SASH1: variants seen among roughly 807,000 people sequenced by gnomAD.
SASH1 encodes the protein SAM and SH3 domain-containing protein 1.
A neutral mutation model predicts 125.2 loss-of-function variants in SASH1; 44 were observed. The ratio of observed to expected loss-of-function variants is 0.35; its 90% CI spans 0.28 to 0.45. The LOEUF is 0.45. Among genes scored for constraint, SASH1 ranks in the 20% least tolerant of loss-of-function variants. The pLI is 1.00. For missense variants in SASH1, 1,426 were observed against 1,614.5 expected (o/e 0.88, Z 2.00); for synonymous variants, 639 against 649.1 (o/e 0.98, Z 0.24).
At chr6:148,254,974 A>C in the SASH1 span, among the ~76,000 whole-genome samples, 2 of 152,264 alleles carry the variant, frequency 1.3e-5, no homozygotes, top group African/African-American at 4.8e-5. Flanking sequence ...TTAAATGATG[A>C]ATGGATAAAC....
the SASH1 span, among the ~76,000 whole-genome samples, chr6:148,253,812 C>G: frequency 6.6e-6 from 1 of 152,178 alleles, no homozygotes; most frequent in Middle Eastern, 3.4e-3. Flanking sequence ...GCAGAGGATG[C>G]AGGGAACTGA....
chr6:148,302,653 G>A (rs12208015), intron 1 of SASH1, among the ~76,000 whole-genome samples: 1 of 61,804 alleles, frequency 1.6e-5, no homozygotes, highest in Non-Finnish European at 3.3e-5. Context: ...AGATGTGTGT[G>A]TATATATATA....
At chr6:148,465,548 GAAA>G (rs564107121) in intron 4 of SASH1, among the ~76,000 whole-genome samples, 17,231 of 100,658 alleles carry the variant, frequency 0.17, 1,659 homozygotes, top group African/African-American at 0.33. Context: ...GTCTCCAGGA[GAAA>G]AAAAAAAAAA....
chr6:148,217,064 A>T, the SASH1 span, among the ~76,000 whole-genome samples: 1 of 152,132 alleles, frequency 6.6e-6, no homozygotes, highest in African/African-American at 2.4e-5. Flanking sequence ...TAGTAATAGC[A>T]TCCCTCCAAG....
intron 2 of SASH1, among the ~76,000 whole-genome samples, chr6:148,408,800 C>T (rs985275813): frequency 6.6e-5 from 10 of 152,190 alleles, no homozygotes; most frequent in African/African-American, 1.7e-4. Context: ...TACACTTTTA[C>T]GTCTTACGTT....
chr6:148,423,200 G>T (rs1476023964), intron 2 of SASH1, among the ~76,000 whole-genome samples: 1 of 152,214 alleles, frequency 6.6e-6, no homozygotes, highest in Non-Finnish European at 1.5e-5. Context: ...GCCTCCCAAA[G>T]TGTTGGGATT....
intron 2 of SASH1, among the ~76,000 whole-genome samples, chr6:148,416,756 G>A (rs1204308823): frequency 2.0e-5 from 3 of 152,196 alleles, no homozygotes; most frequent in African/African-American, 7.2e-5. Context: ...GGAACACGGG[G>A]AATCATTAAG....
At chr6:148,366,993 A>T in intron 1 of SASH1, among the ~76,000 whole-genome samples, 1 of 111,542 alleles carries the variant, frequency 9.0e-6, no homozygotes, top group Non-Finnish European at 1.9e-5. Flanking sequence ...TTTTTTTAAG[A>T]CTGAGTCTTG....
intron 1 of SASH1, among the ~76,000 whole-genome samples, chr6:148,282,542 C>T (rs1231907466): frequency 6.6e-6 from 1 of 152,072 alleles, no homozygotes; most frequent in Non-Finnish European, 1.5e-5. Flanking sequence ...CCACCACGCC[C>T]AGCTAATTTT....
chr6:148,257,437 A>G, the SASH1 span, among the ~76,000 whole-genome samples: 1 of 152,334 alleles, frequency 6.6e-6, no homozygotes, highest in Non-Finnish European at 1.5e-5. Context: ...AGAGTTCCCG[A>G]GGCCAGACCT....
At chr6:148,366,971 CTT>C (rs10676946) in intron 1 of SASH1, among the ~76,000 whole-genome samples, 5 of 125,304 alleles carry the variant, frequency 4.0e-5, no homozygotes, top group Non-Finnish European at 3.2e-5. Flanking sequence ...TAGTGGGTAG[CTT>C]TTTTTTTTTT....
intron 4 of SASH1, among the ~76,000 whole-genome samples, chr6:148,463,370 C>G (rs1275395599): frequency 1.3e-5 from 2 of 152,122 alleles, no homozygotes; most frequent in African/African-American, 4.8e-5. Flanking sequence ...GACTCGAACT[C>G]CTGACCTCAG....
the SASH1 span, among the ~76,000 whole-genome samples, chr6:148,263,944 A>G: frequency 4.6e-5 from 7 of 152,188 alleles, no homozygotes; most frequent in Non-Finnish European, 1.0e-4. Context: ...TAAGAGCTCT[A>G]TCATAATGAA....
At position 148,549,771 on chromosome 6, in the gene SASH1, G is replaced by A. The variant is rs560055883; in HGVS notation, c.*1213G>A. The A allele has an allele frequency of 7.7e-6, 3 of 388,802 alleles. No individual in the cohort carries two copies. Among genetic ancestry groups the A allele is most frequent in the East Asian group, 7.3e-5 (2 of 27,584 alleles). 24.1% of individuals were successfully genotyped at this position (388,802 alleles called of 1,614,324 possible). ...CTCATTAGCCATGTGTTAAGTATTT[G>A]CTACTTTAAATTGTTTTACAACTGA... is the stretch of plus-strand genomic sequence containing the variant. On this transcript the variant is annotated 3_prime_UTR_variant, in exon 20 of 20. Transcript: ENST00000367467.
At chr6:148,251,560 T>G in the SASH1 span, among the ~76,000 whole-genome samples, 11 of 152,098 alleles carry the variant, frequency 7.2e-5, no homozygotes, top group Non-Finnish European at 1.5e-4. Context: ...TTTCAATAAA[T>G]GGAGTGGCAA....
At chr6:148,292,055 C>T (rs373036058) in intron 1 of SASH1, among the ~76,000 whole-genome samples, 1 of 152,080 alleles carries the variant, frequency 6.6e-6, no homozygotes, top group Non-Finnish European at 1.5e-5. Context: ...AGGAAAAAAA[C>T]GCCTGAATAT....
chr6:148,517,929 CA>C (rs1310064762), intron 9 of SASH1, among the ~76,000 whole-genome samples: 2 of 152,182 alleles, frequency 1.3e-5, no homozygotes, highest in Non-Finnish European at 2.9e-5. Flanking sequence ...TCTGCGTGGA[CA>C]CCTGGGCGGA....
chr6:148,209,371 A>G, the SASH1 span, among the ~76,000 whole-genome samples: 11 of 152,232 alleles, frequency 7.2e-5, no homozygotes, highest in African/African-American at 2.2e-4. Context: ...AGACTCATCT[A>G]TGTGACTGCG....
chr6:148,233,625 G>A, the SASH1 span, among the ~76,000 whole-genome samples: 1 of 151,278 alleles, frequency 6.6e-6, no homozygotes, highest in Non-Finnish European at 1.5e-5. Flanking sequence ...CCAGGCATAG[G>A]GGCTCACGCC....
Sources: allele counts gnomAD v4.1 joint callset (sites outside exome capture counted in the v4.1 genomes callset), GRCh38; gene constraint gnomAD v4.1.1; transcripts MANE v1.5; gene names NCBI Gene and HGNC (gene_info 2026-07-23, HGNC 2026-07-21).